DCLK2: variants seen among roughly 807,000 people sequenced by gnomAD.
DCLK2 encodes serine/threonine-protein kinase DCLK2.
A neutral mutation model predicts 78.4 loss-of-function variants in DCLK2; 31 were observed. The ratio of observed to expected loss-of-function variants is 0.40; its 90% confidence interval spans 0.30 to 0.53. The LOEUF (loss-of-function observed/expected upper bound fraction) is 0.53, where lower values mean the gene tolerates loss of function less well. Among genes scored for constraint, DCLK2 ranks in the 20% least tolerant of loss-of-function variants. The pLI is 0.61. For missense variants in DCLK2, 872 were observed against 973.7 expected, an observed-to-expected ratio of 0.90 and a Z score of 1.39; for synonymous variants, 407 against 374.9, an observed-to-expected ratio of 1.09 and a Z score of -0.99.
chr4:150,111,912 T>C (rs1731725287), intron 2 of DCLK2, among the ~76,000 whole-genome samples: 1 of 152,158 alleles, frequency 6.6e-6, no homozygotes. Context: ...TGCCTCCAGA[T>C]TTGTTCTTTT....
chr4:150,134,436 A>G (rs1403490977), intron 2 of DCLK2, among the ~76,000 whole-genome samples: 1 of 152,210 alleles, frequency 6.6e-6, no homozygotes, highest in African/African-American at 2.4e-5. Flanking sequence ...TGCGAAATAA[A>G]TTAGATACGG....
chr4:150,255,441 A>G (rs988981595), intron 15 of DCLK2, among the ~76,000 whole-genome samples: 2 of 152,228 alleles, frequency 1.3e-5, no homozygotes, highest in Admixed American at 1.3e-4. Context: ...AACTTTCAGG[A>G]TGTTTCAGGA....
intron 1 of DCLK2, among the ~76,000 whole-genome samples, chr4:150,088,210 T>C (rs1392319460): frequency 6.6e-6 from 1 of 152,182 alleles, no homozygotes; most frequent in Non-Finnish European, 1.5e-5. Context: ...TATTACTGGT[T>C]ATATTGTTGT....
At chr4:150,252,486 G>T (rs886193361) in intron 15 of DCLK2, among the ~76,000 whole-genome samples, 5 of 152,220 alleles carry the variant, frequency 3.3e-5, no homozygotes, top group Non-Finnish European at 7.3e-5. Context: ...GCCCAGATAG[G>T]AATCAGTGGC....
At chr4:150,160,589 A>G (rs2150243509) in intron 2 of DCLK2, among the ~76,000 whole-genome samples, 1 of 152,338 alleles carries the variant, frequency 6.6e-6, no homozygotes, top group Middle Eastern at 3.4e-3. Context: ...TGGCAGTATT[A>G]AATAGCTAAA....
chr4:150,235,321 G>A (rs1260446209), intron 10 of DCLK2, among the ~76,000 whole-genome samples: 3 of 152,072 alleles, frequency 2.0e-5, no homozygotes, highest in African/African-American at 7.2e-5. Flanking sequence ...ACACATCAAG[G>A]GTGGATAATG....
intron 8 of DCLK2, among the ~76,000 whole-genome samples, chr4:150,230,326 T>C (rs1741945532): frequency 2.6e-5 from 4 of 152,174 alleles, no homozygotes; most frequent in Admixed American, 6.5e-5. Flanking sequence ...GTGGTAGATA[T>C]CTTATTTACT....
chr4:150,110,447 G>T (rs1391106040), intron 2 of DCLK2, among the ~76,000 whole-genome samples: 4 of 150,398 alleles, frequency 2.7e-5, no homozygotes, highest in Non-Finnish European at 5.9e-5. Context: ...AGCTTACTAT[G>T]CCAGGCATTA....
chr4:150,236,300 A>G (rs779385675), intron 10 of DCLK2, among the ~76,000 whole-genome samples: 9 of 152,190 alleles, frequency 5.9e-5, no homozygotes. Flanking sequence ...GGGTTCTGGC[A>G]GGCCTTTCCA....
At chr4:150,115,077 C>A (rs1165352004) in intron 2 of DCLK2, among the ~76,000 whole-genome samples, 1 of 152,132 alleles carries the variant, frequency 6.6e-6, no homozygotes, top group African/African-American at 2.4e-5. Flanking sequence ...AGGCTTTGTT[C>A]ATTTCTTTTA....
intron 2 of DCLK2, among the ~76,000 whole-genome samples, chr4:150,164,933 C>G (rs1213158628): frequency 6.6e-6 from 1 of 152,200 alleles, no homozygotes; most frequent in East Asian, 1.9e-4. Context: ...ATTCTTGTCA[C>G]ACTGTAAGAC....
intron 1 of DCLK2, among the ~76,000 whole-genome samples, chr4:150,092,055 A>G (rs894090326): frequency 6.6e-6 from 1 of 152,114 alleles, no homozygotes; most frequent in African/African-American, 2.4e-5. Flanking sequence ...AAGTGAAGCC[A>G]TGCTACATTT....
chr4:150,104,320 T>G (rs1218734292), intron 2 of DCLK2, among the ~76,000 whole-genome samples: 2 of 140,804 alleles, frequency 1.4e-5, no homozygotes, highest in Non-Finnish European at 3.0e-5. Flanking sequence ...CCCAGGAGTT[T>G]CGGGCTGCAG....
chr4:150,247,765 T>C (rs939834970), intron 13 of DCLK2, 66 bp downstream of exon 13: 2 of 1,295,628 alleles, frequency 1.5e-6, no homozygotes, highest in Admixed American at 1.8e-5. Flanking sequence ...TGCACAGGGC[T>C]GTAGCTGCGC....
At chr4:150,191,004 T>G (rs115792722) in intron 2 of DCLK2, among the ~76,000 whole-genome samples, 1 of 152,248 alleles carries the variant, frequency 6.6e-6, no homozygotes, top group African/African-American at 2.4e-5. Context: ...TACACACCTA[T>G]GGTCCCAGCT....
chr4:150,090,937 T>G (rs1730015801), intron 1 of DCLK2, among the ~76,000 whole-genome samples: 1 of 152,190 alleles, frequency 6.6e-6, no homozygotes, highest in Admixed American at 6.5e-5. Context: ...TGAGCAAATA[T>G]GTAAGTAATG....
At chr4:150,190,060 G>T (rs2126347757) in intron 2 of DCLK2, among the ~76,000 whole-genome samples, 1 of 29,920 alleles carries the variant, frequency 3.3e-5, no homozygotes, top group Admixed American at 3.5e-4. Context: ...AAGGCCAAGT[G>T]TGGTGGCTGT....
intron 15 of DCLK2, among the ~76,000 whole-genome samples, chr4:150,255,365 G>A (rs544351275): frequency 1.3e-4 from 20 of 152,330 alleles, no homozygotes; most frequent in African/African-American, 4.6e-4. Context: ...GGCTTAGAAC[G>A]CAAGGTGACT....
intron 5 of DCLK2, among the ~76,000 whole-genome samples, chr4:150,212,118 A>G (rs1740364363): frequency 6.6e-6 from 1 of 152,346 alleles, no homozygotes; most frequent in African/African-American, 2.4e-5. Context: ...GCTGAAGTGT[A>G]TGCCTGGAGG....
Sources: allele counts gnomAD v4.1 joint callset (sites outside exome capture counted in the v4.1 genomes callset), GRCh38; gene constraint gnomAD v4.1.1; transcripts MANE v1.5; gene names NCBI Gene and HGNC (gene_info 2026-07-23, HGNC 2026-07-21).